The following FAXC variants were observed in gnomAD, a reference collection of about 807,000 sequenced individuals.
The protein encoded by FAXC is failed axon connections homolog, metaxin like GST domain containing.
In FAXC, 10 loss-of-function variants were observed where a neutral mutation model predicts 41.9. The observed-to-expected ratio is 0.24, with a 90% CI of 0.15 to 0.41. FAXC has a LOEUF of 0.41. FAXC is among the 10% of genes least tolerant of loss of function. FAXC has a pLI of 1.00. For missense variants in FAXC, 399 were observed against 510.9 expected (o/e 0.78, Z 2.11); for synonymous variants, 183 against 183.8 (o/e 1.00, Z 0.03).
At chr6:99,331,013 A>G (rs1393798264) in intron 3 of FAXC, among the ~76,000 whole-genome samples, 1 of 152,320 alleles carries the variant, frequency 6.6e-6, no homozygotes, top group East Asian at 1.9e-4. Flanking sequence ...CCAAAGCAAG[A>G]AGTTGGCTAA....
chr6:99,342,827 C>T, intron 2 of FAXC, 71 bp downstream of exon 2: 1 of 1,441,550 alleles, frequency 6.9e-7, no homozygotes, highest in Non-Finnish European at 9.3e-7. Flanking sequence ...ACGAAATATT[C>T]CCCCCTTTAG....
chr6:99,327,078 T>G (rs1331318450), intron 3 of FAXC, among the ~76,000 whole-genome samples: 1 of 152,176 alleles, frequency 6.6e-6, no homozygotes, highest in Non-Finnish European at 1.5e-5. Flanking sequence ...CCTCAGAAAC[T>G]GTTTGGTCTC....
intron 4 of FAXC, among the ~76,000 whole-genome samples, chr6:99,314,645 C>T (rs967142444): frequency 1.3e-5 from 2 of 152,214 alleles, no homozygotes; most frequent in Non-Finnish European, 2.9e-5. Context: ...CTTTCAACCT[C>T]TGCTGGTTTC....
chr6:99,302,688 C>G (rs939569718), intron 4 of FAXC, among the ~76,000 whole-genome samples: 43 of 152,002 alleles, frequency 2.8e-4, no homozygotes, highest in African/African-American at 8.2e-4. Flanking sequence ...AAAAGCATAT[C>G]ACTAGGTCCA....
chr6:99,290,969 G>A (rs1343162978), intron 5 of FAXC, among the ~76,000 whole-genome samples: 1 of 151,792 alleles, frequency 6.6e-6, no homozygotes, highest in African/African-American at 2.4e-5. Flanking sequence ...ATGCCACCAT[G>A]CCCAGGTAAT....
At chr6:99,292,609 C>T (rs897361594) in intron 4 of FAXC, among the ~76,000 whole-genome samples, 1 of 152,242 alleles carries the variant, frequency 6.6e-6, no homozygotes, top group Admixed American at 6.5e-5. Flanking sequence ...CACATCCTGG[C>T]ATCACCGTTA....
At chr6:99,343,329 G>A (rs1287285954) in intron 1 of FAXC, among the ~76,000 whole-genome samples, 2 of 152,102 alleles carry the variant, frequency 1.3e-5, no homozygotes, top group African/African-American at 2.4e-5. Context: ...TATGGCCTCC[G>A]GGCAGCAAGA....
At chr6:99,286,051 A>T (rs771936444) in intron 5 of FAXC, among the ~76,000 whole-genome samples, 2 of 152,154 alleles carry the variant, frequency 1.3e-5, no homozygotes, top group African/African-American at 4.8e-5. Flanking sequence ...ACCAGCAATA[A>T]CTTGGAAAAC....
At chr6:99,333,315 C>A in intron 3 of FAXC, 36 bp downstream of exon 3, 1 of 1,527,168 alleles carries the variant, frequency 6.5e-7, no homozygotes, top group South Asian at 1.3e-5. Flanking sequence ...CTGGGGCTTA[C>A]TTCGAAAGGA....
chr6:99,291,722 G>C lies in FAXC; in HGVS notation c.922C>G (p.Pro308Ala), dbSNP rs751465118. The change falls in exon 5 of 6, where the codon CCC becomes GCC. Residue 308 changes from proline (P) to alanine (A), a missense_variant. Pro to Ala is a conservative substitution (Grantham distance 27). Transcript: ENST00000389677. ...QAMWTLPGTRPERLIKGELIN... is the reference protein window; with the variant it reads ...QAMWTLPGTRAERLIKGELIN... Reference sequence around the variant, plus strand: ...GGCTTGCCTTTGATCAGCCGTTCGGGTCTTGTCCCTGGTAAGGTCCACATT... The same window carrying C: ...GGCTTGCCTTTGATCAGCCGTTCGGCTCTTGTCCCTGGTAAGGTCCACATT... 3.1e-6 allele frequency: 5 copies of C among 1,613,860 alleles called. No individual in the cohort carries two copies. Among genetic ancestry groups the C allele is most frequent in the Non-Finnish European group, 4.2e-6 (5 of 1,179,880 alleles).
Position 99,272,635 on chromosome 6 carries a change from T to A in FAXC, c.*8529A>T, listed in dbSNP as rs1770455125. On this transcript the variant is annotated 3_prime_UTR_variant, in exon 6 of 6. Coordinates refer to ENST00000389677, the MANE Select transcript of FAXC (RefSeq NM_032511.4). ...ACTCTGAGGCACACTGGGCATGAAA[T>A]AAAAGCAGGAGAGGATGGGACAGCA... 6.6e-6 allele frequency: 1 copy of A among 152,190 alleles called. No homozygotes were observed. The highest frequency in any genetic ancestry group is 1.5e-5 in the Non-Finnish European group (1 of 68,036). 9.4% of individuals were successfully genotyped at this position (152,190 alleles called of 1,614,324 possible).
intron 4 of FAXC, among the ~76,000 whole-genome samples, chr6:99,321,570 G>A (rs1772588315): frequency 6.6e-6 from 1 of 152,108 alleles, no homozygotes; most frequent in Non-Finnish European, 1.5e-5. Flanking sequence ...AGAATATAAC[G>A]CCAGCTAACT....
At chr6:99,309,288 A>G (rs1249841981) in intron 4 of FAXC, among the ~76,000 whole-genome samples, 1 of 152,064 alleles carries the variant, frequency 6.6e-6, no homozygotes, top group Non-Finnish European at 1.5e-5. Context: ...CGCTTTTCTC[A>G]GAGGAAGAAA....
chr6:99,337,774 G>C (rs1773266852), intron 2 of FAXC, among the ~76,000 whole-genome samples: 1 of 152,166 alleles, frequency 6.6e-6, no homozygotes, highest in Admixed American at 6.5e-5. Flanking sequence ...AATAATAACT[G>C]TGTTCAATAC....
intron 5 of FAXC, among the ~76,000 whole-genome samples, chr6:99,289,591 G>A (rs1771152905): frequency 6.6e-6 from 1 of 152,102 alleles, no homozygotes; most frequent in African/African-American, 2.4e-5. Context: ...AGGAGTTTGA[G>A]ATTACAGTAA....
At chr6:99,332,977 G>C (rs1773083057) in intron 3 of FAXC, among the ~76,000 whole-genome samples, 1 of 152,014 alleles carries the variant, frequency 6.6e-6, no homozygotes, top group Non-Finnish European at 1.5e-5. Flanking sequence ...AGAAGGATAT[G>C]GTACATTAAA....
At chr6:99,290,304 C>T (rs191061318) in intron 5 of FAXC, among the ~76,000 whole-genome samples, 2 of 152,174 alleles carry the variant, frequency 1.3e-5, no homozygotes, top group Non-Finnish European at 2.9e-5. Context: ...TCCTTAGCTT[C>T]CCCTCTCATA....
At chr6:99,333,219 T>G (rs1773092680) in intron 3 of FAXC, 132 bp downstream of exon 3, 1 of 736,618 alleles carries the variant, frequency 1.4e-6, no homozygotes, top group African/African-American at 1.8e-5. Context: ...ATAACTTTGA[T>G]GACTGAGCCA....
chr6:99,335,617 A>C (rs1453579006), intron 2 of FAXC, among the ~76,000 whole-genome samples: 1 of 152,224 alleles, frequency 6.6e-6, no homozygotes, highest in Non-Finnish European at 1.5e-5. Flanking sequence ...CAGTAAGGAC[A>C]ACCCAAATGC....
Sources: allele counts gnomAD v4.1 joint callset (sites outside exome capture counted in the v4.1 genomes callset), GRCh38; gene constraint gnomAD v4.1.1; transcripts MANE v1.5; gene names NCBI Gene and HGNC (gene_info 2026-07-23, HGNC 2026-07-21).